The following TPRG1 variants were observed in gnomAD, a reference collection of about 807,000 sequenced individuals.
The protein encoded by TPRG1 is tumor protein p63-regulated gene 1 protein.
In TPRG1, 29 loss-of-function variants were observed where a neutral mutation model predicts 29.3. That is an observed-to-expected ratio of 0.99 (90% CI 0.74 to 1.35). The LOEUF (loss-of-function observed/expected upper bound fraction) is 1.35. TPRG1 is among the 40% of genes most tolerant of loss of function. TPRG1 has a pLI of 0.00. For missense variants in TPRG1, 327 were observed against 335.0 expected (o/e 0.98, Z 0.19); for synonymous variants, 130 against 116.8 (o/e 1.11, Z -0.73).
At chr3:189,050,565 C>T (rs2152139144) in intron 4 of TPRG1, among the ~76,000 whole-genome samples, 1 of 152,238 alleles carries the variant, frequency 6.6e-6, no homozygotes, top group East Asian at 1.9e-4. Flanking sequence ...AGAAGGAACC[C>T]TCCCTAATGC....
At chr3:189,011,362 A>G (rs2152122771) in intron 3 of TPRG1, among the ~76,000 whole-genome samples, 1 of 152,270 alleles carries the variant, frequency 6.6e-6, no homozygotes, top group Admixed American at 6.5e-5. Flanking sequence ...TAGGATAGCC[A>G]TTTTCACGAT....
chr3:189,205,790 A>G (rs1205995867), intron 1 of TPRG1, among the ~76,000 whole-genome samples: 1 of 152,190 alleles, frequency 6.6e-6, no homozygotes, highest in East Asian at 1.9e-4. Context: ...CTTTATATGT[A>G]CAAAATAGAA....
chr3:189,055,869 A>G (rs1715635807), intron 4 of TPRG1, among the ~76,000 whole-genome samples: 1 of 151,878 alleles, frequency 6.6e-6, no homozygotes, highest in African/African-American at 2.4e-5. Context: ...AACCTCTCTC[A>G]CTGCTCTGCT....
chr3:189,055,168 G>C (rs1261575696), intron 4 of TPRG1, among the ~76,000 whole-genome samples: 1 of 152,146 alleles, frequency 6.6e-6, no homozygotes, highest in Non-Finnish European at 1.5e-5. Flanking sequence ...AAGGTCCCCA[G>C]GTAGTTAGAA....
upstream of TPRG1, among the ~76,000 whole-genome samples, chr3:189,170,003 C>T (rs1185819715): frequency 6.6e-6 from 1 of 152,142 alleles, no homozygotes; most frequent in South Asian, 2.1e-4. Context: ...GGAAACCTAA[C>T]GATAATTAGA....
chr3:189,072,812 T>C (rs1251935209), intron 4 of TPRG1, among the ~76,000 whole-genome samples: 2 of 152,168 alleles, frequency 1.3e-5, no homozygotes, highest in Non-Finnish European at 2.9e-5. Context: ...GTCTATGTAA[T>C]TTTTATTAGT....
At chr3:189,190,511 C>T (rs116223199) in intron 1 of TPRG1, among the ~76,000 whole-genome samples, 1,772 of 152,304 alleles carry the variant, frequency 0.012, 31 homozygotes, top group African/African-American at 0.039. Flanking sequence ...TGGGCAGCCT[C>T]ACTTTCTCTT....
chr3:189,230,252 T>C (rs1440130184), intron 3 of TPRG1, among the ~76,000 whole-genome samples: 1 of 152,142 alleles, frequency 6.6e-6, no homozygotes, highest in African/African-American at 2.4e-5. Flanking sequence ...TGCCTGGTCC[T>C]GTAAGGAAAA....
chr3:189,191,016 A>G, intron 1 of TPRG1: 1 of 984,764 alleles, frequency 1.0e-6, no homozygotes, highest in Non-Finnish European at 1.2e-6. Context: ...CAGGACATTT[A>G]CTGTCTATTC....
At position 189,322,131 on chromosome 3, in the gene TPRG1, A is replaced by G. The variant is rs576562523; in HGVS notation, c.*1311A>G. On this transcript the variant is annotated 3_prime_UTR_variant, in exon 6 of 6. Coordinates refer to ENST00000345063, the MANE Select transcript of TPRG1 (RefSeq NM_198485.4). ...TGTTGACTACATAGACATTACTACA[A>G]TAAGCTTTTTGCCTTTCCCAAGACT... 2.4e-4 allele frequency: 37 copies of G among 152,186 alleles called. No homozygotes were observed. The highest frequency in any genetic ancestry group is 8.7e-4 in the African/African-American group (36 of 41,548). The allele number at this position is 152,186 out of a possible 1,614,324, so 9.4% of individuals were successfully genotyped here. A position where few individuals can be genotyped will look rare whatever the true frequency, so the allele number is the denominator to read the frequency against.
At chr3:189,046,813 T>C (rs555142612) in intron 4 of TPRG1, among the ~76,000 whole-genome samples, 2 of 152,350 alleles carry the variant, frequency 1.3e-5, no homozygotes, top group East Asian at 1.9e-4. Context: ...TTTTACTTAA[T>C]GGCTACTAGT....
chr3:189,112,167 G>A (rs1189778908), intron 1 of TPRG1, among the ~76,000 whole-genome samples: 3 of 152,048 alleles, frequency 2.0e-5, no homozygotes, highest in East Asian at 1.9e-4. Context: ...GTCATGATGT[G>A]CTATACTTTT....
chr3:189,146,573 A>G (rs1467206859), intron 3 of TPRG1, among the ~76,000 whole-genome samples: 1 of 152,184 alleles, frequency 6.6e-6, no homozygotes, highest in Non-Finnish European at 1.5e-5. Context: ...TGTATCTTGT[A>G]CATACCCATG....
At chr3:189,172,293 T>C (rs1451189795) in intron 1 of TPRG1, among the ~76,000 whole-genome samples, 162 bp downstream of exon 1, 1 of 152,150 alleles carries the variant, frequency 6.6e-6, no homozygotes, top group Non-Finnish European at 1.5e-5. Flanking sequence ...TTCCCTATTC[T>C]TCCTTACTGT....
At chr3:189,142,049 G>A (rs918469836) in intron 3 of TPRG1, among the ~76,000 whole-genome samples, 7 of 152,168 alleles carry the variant, frequency 4.6e-5, no homozygotes, top group Admixed American at 3.3e-4. Context: ...GGGGAAACAG[G>A]GTGACAGAAA....
chr3:189,278,613 A>C (rs941268651), intron 4 of TPRG1, among the ~76,000 whole-genome samples: 1 of 152,238 alleles, frequency 6.6e-6, no homozygotes, highest in Non-Finnish European at 1.5e-5. Flanking sequence ...CTAAACCTAA[A>C]TTCTTGTTCT....
At chr3:189,270,662 T>G (rs1356977214) in intron 4 of TPRG1, among the ~76,000 whole-genome samples, 7 of 152,224 alleles carry the variant, frequency 4.6e-5, no homozygotes, top group Non-Finnish European at 1.0e-4. Context: ...ATGCATTAAA[T>G]AGCCACTGTG....
intron 3 of TPRG1, among the ~76,000 whole-genome samples, chr3:189,006,443 T>A (rs534101140): frequency 6.6e-6 from 1 of 152,238 alleles, no homozygotes; most frequent in East Asian, 1.9e-4. Context: ...ACACCCCTGT[T>A]GGGATATCAG....
chr3:189,313,821 A>G (rs937411454), intron 5 of TPRG1, among the ~76,000 whole-genome samples: 2 of 152,172 alleles, frequency 1.3e-5, no homozygotes, highest in South Asian at 4.1e-4. Context: ...GTTCTAATTA[A>G]CTGAAACTGA....
Sources: allele counts gnomAD v4.1 joint callset (sites outside exome capture counted in the v4.1 genomes callset), GRCh38; gene constraint gnomAD v4.1.1; transcripts MANE v1.5; gene names NCBI Gene and HGNC (gene_info 2026-07-23, HGNC 2026-07-21).